The following LGSN variants were observed in gnomAD, a reference collection of about 807,000 sequenced individuals.
LGSN encodes lengsin.
A neutral mutation model predicts 19.5 loss-of-function variants in LGSN; 21 were observed. The ratio of observed to expected loss-of-function variants is 1.07; its 90% CI spans 0.76 to 1.55. LGSN has a LOEUF of 1.55. LGSN is among the 40% of genes most tolerant of loss of function. The pLI, the probability that LGSN is intolerant of heterozygous loss-of-function variation, is 0.00. For synonymous variants in LGSN, 257 were observed against 215.6 expected (o/e 1.19, Z -1.68); for missense variants, 673 against 608.5 (o/e 1.11, Z -1.12).
intron 2 of LGSN, among the ~76,000 whole-genome samples, chr6:63,289,943 C>T (rs1269076282): frequency 2.6e-5 from 4 of 151,926 alleles, no homozygotes; most frequent in Non-Finnish European, 5.9e-5. Context: ...TACCTTCTGG[C>T]CACATCATAT....
the LGSN span, among the ~76,000 whole-genome samples, chr6:63,520,341 A>G: frequency 6.6e-6 from 1 of 152,176 alleles, no homozygotes. Context: ...TAAAAATGAA[A>G]ATAGACTGGG....
the LGSN span, among the ~76,000 whole-genome samples, chr6:63,494,245 C>G: frequency 6.6e-6 from 1 of 152,106 alleles, no homozygotes; most frequent in Non-Finnish European, 1.5e-5. Context: ...CCACCACGCC[C>G]AGCCAGAAGA....
the LGSN span, among the ~76,000 whole-genome samples, chr6:63,566,662 G>T: frequency 1.3e-5 from 2 of 152,348 alleles, no homozygotes; most frequent in East Asian, 3.9e-4. Context: ...CCTCAGTGAT[G>T]ATGGCAGCTG....
At chr6:63,430,275 T>C in the LGSN span, among the ~76,000 whole-genome samples, 2 of 152,180 alleles carry the variant, frequency 1.3e-5, no homozygotes, top group Non-Finnish European at 2.9e-5. Flanking sequence ...TCTGGTAACA[T>C]TCCATCTCTT....
chr6:63,419,880 CAAAAAA>C, the LGSN span, among the ~76,000 whole-genome samples: 5 of 57,338 alleles, frequency 8.7e-5, no homozygotes, highest in Admixed American at 2.6e-4. Flanking sequence ...AACTCCCTCC[CAAAAAA>C]AAAAAAAAAA....
intron 1 of LGSN, among the ~76,000 whole-genome samples, chr6:63,310,583 A>T (rs1768587125): frequency 6.6e-6 from 1 of 152,198 alleles, no homozygotes; most frequent in African/African-American, 2.4e-5. Flanking sequence ...TTATTTCTCA[A>T]CATAAGCTCT....
the LGSN span, among the ~76,000 whole-genome samples, chr6:63,377,252 T>C: frequency 6.6e-6 from 1 of 152,194 alleles, no homozygotes; most frequent in East Asian, 1.9e-4. Context: ...CCTTTATGAA[T>C]TATGGCAAGC....
chr6:63,528,578 C>A, the LGSN span, among the ~76,000 whole-genome samples: 1 of 151,678 alleles, frequency 6.6e-6, no homozygotes, highest in Non-Finnish European at 1.5e-5. Flanking sequence ...TATAACAAAA[C>A]AAATTAGCCA....
At chr6:63,442,169 C>G in the LGSN span, among the ~76,000 whole-genome samples, 3 of 151,974 alleles carry the variant, frequency 2.0e-5, no homozygotes, top group Admixed American at 1.3e-4. Flanking sequence ...GTTTGTTCGT[C>G]CCTCCCAATG....
At chr6:63,471,564 G>A in the LGSN span, among the ~76,000 whole-genome samples, 592 of 151,772 alleles carry the variant, frequency 3.9e-3, 5 homozygotes, top group African/African-American at 0.014. Flanking sequence ...TACTTGGGAC[G>A]CTAGGCAGGA....
the LGSN span, among the ~76,000 whole-genome samples, chr6:63,490,989 C>T: frequency 6.6e-6 from 1 of 152,084 alleles, no homozygotes; most frequent in East Asian, 1.9e-4. Context: ...GATTAGGGCC[C>T]TCAACGGGTT....
At chr6:63,423,797 G>T in the LGSN span, among the ~76,000 whole-genome samples, 1 of 152,104 alleles carries the variant, frequency 6.6e-6, no homozygotes, top group Non-Finnish European at 1.5e-5. Context: ...CAACACTTTG[G>T]GGGGCCGAGT....
the LGSN span, among the ~76,000 whole-genome samples, chr6:63,359,412 C>T: frequency 3.9e-5 from 6 of 152,196 alleles, no homozygotes; most frequent in Admixed American, 6.5e-5. Flanking sequence ...GGAATGGTAC[C>T]AGGTCCTCCT....
the LGSN span, among the ~76,000 whole-genome samples, chr6:63,358,793 C>A: frequency 3.3e-5 from 5 of 152,172 alleles, no homozygotes; most frequent in African/African-American, 1.2e-4. Flanking sequence ...GACAATTTGA[C>A]TTCCTCTTTT....
chr6:63,367,592 T>C, the LGSN span, among the ~76,000 whole-genome samples: 10,738 of 138,250 alleles, frequency 0.078, 1,105 homozygotes, highest in African/African-American at 0.25. Flanking sequence ...CATTACTGGG[T>C]ATACACCCAA....
At chr6:63,412,763 G>T in the LGSN span, among the ~76,000 whole-genome samples, 21 of 22,812 alleles carry the variant, frequency 9.2e-4, no homozygotes, top group South Asian at 4.2e-3. Context: ...AAGAAAGAAA[G>T]AAAGAAAGGA....
the LGSN span, among the ~76,000 whole-genome samples, chr6:63,361,065 T>C: frequency 0.13 from 19,884 of 152,242 alleles, 2,877 homozygotes; most frequent in African/African-American, 0.36. Flanking sequence ...AGTCCTCCCC[T>C]ACTGGGGGGT....
chr6:63,485,383 T>C, the LGSN span, among the ~76,000 whole-genome samples: 1 of 152,210 alleles, frequency 6.6e-6, no homozygotes, highest in East Asian at 1.9e-4. Flanking sequence ...TTTATATGGT[T>C]GCATAGTGTT....
the LGSN span, among the ~76,000 whole-genome samples, chr6:63,505,589 G>GAA: frequency 8.1e-4 from 86 of 105,708 alleles, 2 homozygotes; most frequent in African/African-American, 2.5e-3. Flanking sequence ...AAGAAAGAAA[G>GAA]AAAGAAAGAA....
Sources: gnomAD v4.1 joint callset for allele counts (sites outside exome capture counted in the v4.1 genomes callset) on GRCh38, gnomAD v4.1.1 for gene constraint, MANE v1.5 for transcripts, NCBI Gene and HGNC (gene_info 2026-07-23, HGNC 2026-07-21) for gene names.